Variants in SRD5A2 observed in about 807,000 individuals in gnomAD.
SRD5A2 encodes 3-oxo-5-alpha-steroid 4-dehydrogenase 2.
SRD5A2 carries 30 observed loss-of-function variants against 27.4 expected under a neutral mutation model. That is an observed-to-expected ratio of 1.10 (90% CI 0.82 to 1.49). The LOEUF (loss-of-function observed/expected upper bound fraction) is 1.49, where lower values mean the gene tolerates loss of function less well. Ranked by LOEUF, SRD5A2 falls within the 40% of genes most tolerant of loss-of-function variation. The probability of loss-of-function intolerance (pLI) is 0.00; values close to 1 mark genes in which losing one functional copy is unlikely to be tolerated. For missense variants in SRD5A2, 348 were observed against 323.4 expected, an observed-to-expected ratio of 1.08 and a Z score of -0.58; for synonymous variants, 141 against 133.6, an observed-to-expected ratio of 1.06 and a Z score of -0.38.
chr2:31,586,767 G>A, the SRD5A2 span, among the ~76,000 whole-genome samples: 20 of 152,192 alleles, frequency 1.3e-4, no homozygotes, highest in South Asian at 3.9e-3. Flanking sequence ...TCCATCCCAA[G>A]GAGGACAGGA....
At chr2:31,560,351 G>A (rs1236479299) in intron 1 of SRD5A2, among the ~76,000 whole-genome samples, 4 of 151,498 alleles carry the variant, frequency 2.6e-5, no homozygotes, top group Admixed American at 2.6e-4. Context: ...ATGTCTAAGG[G>A]TGTCTAGAGC....
the SRD5A2 span, among the ~76,000 whole-genome samples, chr2:31,661,251 T>C: frequency 6.6e-6 from 1 of 152,146 alleles, no homozygotes; most frequent in Non-Finnish European, 1.5e-5. Context: ...GCTCTTAGAT[T>C]CCTACTCATT....
the SRD5A2 span, among the ~76,000 whole-genome samples, chr2:31,635,778 T>C: frequency 1.3e-5 from 2 of 149,812 alleles, no homozygotes; most frequent in Non-Finnish European, 3.0e-5. Flanking sequence ...TTTCATGTAA[T>C]TTTCGTAACA....
At chr2:31,605,606 T>C in the SRD5A2 span, among the ~76,000 whole-genome samples, 5 of 151,600 alleles carry the variant, frequency 3.3e-5, no homozygotes, top group African/African-American at 9.7e-5. Context: ...TATCATCTCA[T>C]CCCATTTAAA....
intron 1 of SRD5A2, among the ~76,000 whole-genome samples, chr2:31,564,705 T>G (rs937748065): frequency 6.6e-6 from 1 of 152,030 alleles, no homozygotes; most frequent in Non-Finnish European, 1.5e-5. Context: ...ACAGATTTCT[T>G]GTTGGAAATA....
At chr2:31,625,615 G>A in the SRD5A2 span, among the ~76,000 whole-genome samples, 3 of 152,128 alleles carry the variant, frequency 2.0e-5, no homozygotes, top group Admixed American at 2.0e-4. Context: ...TATTAAACAG[G>A]GAATCCTTTC....
At chr2:31,629,685 G>C in the SRD5A2 span, among the ~76,000 whole-genome samples, 36 of 152,218 alleles carry the variant, frequency 2.4e-4, no homozygotes, top group South Asian at 7.5e-3. Context: ...CAAACTCCTG[G>C]CATTAGCTGG....
At chr2:31,613,690 A>G in the SRD5A2 span, among the ~76,000 whole-genome samples, 1 of 152,102 alleles carries the variant, frequency 6.6e-6, no homozygotes, top group African/African-American at 2.4e-5. Flanking sequence ...GTCTGTTCTC[A>G]CTCTGCTAAT....
the SRD5A2 span, among the ~76,000 whole-genome samples, chr2:31,648,918 T>C: frequency 6.6e-6 from 1 of 152,208 alleles, no homozygotes; most frequent in South Asian, 2.1e-4. Context: ...GCCAGGCACC[T>C]GCATTCCTAG....
chr2:31,627,185 C>T, the SRD5A2 span, among the ~76,000 whole-genome samples: 1 of 152,034 alleles, frequency 6.6e-6, no homozygotes, highest in African/African-American at 2.4e-5. Flanking sequence ...GTTTGTATTT[C>T]TTTGGGATCA....
intron 1 of SRD5A2, among the ~76,000 whole-genome samples, chr2:31,542,495 C>A (rs1490330567): frequency 2.0e-5 from 3 of 151,888 alleles, no homozygotes; most frequent in Admixed American, 6.6e-5. Context: ...GATGACAGAG[C>A]AAGAACCTGT....
chr2:31,620,199 G>C, the SRD5A2 span, among the ~76,000 whole-genome samples: 1 of 151,976 alleles, frequency 6.6e-6, no homozygotes, highest in African/African-American at 2.4e-5. Context: ...AAGAATAAGA[G>C]CCATCTATTA....
chr2:31,572,498 C>T (rs1666872675), intron 1 of SRD5A2, among the ~76,000 whole-genome samples: 1 of 152,108 alleles, frequency 6.6e-6, no homozygotes, highest in African/African-American at 2.4e-5. Context: ...ATAAAAGAGA[C>T]AAGTCACAAA....
the SRD5A2 span, among the ~76,000 whole-genome samples, chr2:31,618,010 C>T: frequency 7.2e-5 from 11 of 152,188 alleles, no homozygotes; most frequent in African/African-American, 2.4e-4. Flanking sequence ...CTGATAAAGA[C>T]ATACCTGAAA....
chr2:31,607,738 T>C, the SRD5A2 span, among the ~76,000 whole-genome samples: 101,926 of 151,838 alleles, frequency 0.67, 34,412 homozygotes, highest in Middle Eastern at 0.7. Context: ...AAACAAAATA[T>C]ATTTTTTTAT....
intron 1 of SRD5A2, among the ~76,000 whole-genome samples, chr2:31,563,694 G>A (rs1177319085): frequency 6.6e-6 from 1 of 152,138 alleles, no homozygotes; most frequent in Non-Finnish European, 1.5e-5. Context: ...TTAGCAGAGT[G>A]TTAATTCATG....
intron 1 of SRD5A2, among the ~76,000 whole-genome samples, chr2:31,547,526 G>A (rs1228063872): frequency 6.6e-6 from 1 of 152,196 alleles, no homozygotes; most frequent in Non-Finnish European, 1.5e-5. Flanking sequence ...GTCTTCTGGA[G>A]CCAGAATTCA....
chr2:31,569,107 C>G (rs376800454), intron 1 of SRD5A2, among the ~76,000 whole-genome samples: 6 of 152,232 alleles, frequency 3.9e-5, no homozygotes, highest in African/African-American at 1.4e-4. Context: ...TTCTGCCCCA[C>G]CAACTTGGTA....
the SRD5A2 span, among the ~76,000 whole-genome samples, chr2:31,594,879 A>G: frequency 6.6e-6 from 1 of 152,226 alleles, no homozygotes; most frequent in African/African-American, 2.4e-5. Context: ...CAGTAGAATA[A>G]AATTGGAAAT....
Sources: allele counts gnomAD v4.1 joint callset (sites outside exome capture counted in the v4.1 genomes callset), GRCh38; gene constraint gnomAD v4.1.1; transcripts MANE v1.5; gene names NCBI Gene and HGNC (gene_info 2026-07-23, HGNC 2026-07-21).